BID: variants seen among roughly 807,000 people sequenced by gnomAD.
BID encodes the protein BH3-interacting domain death agonist.
BID carries 19 observed loss-of-function variants against 17.4 expected under a neutral mutation model. That is an observed-to-expected ratio of 1.09 (90% CI 0.76 to 1.60). The LOEUF (loss-of-function observed/expected upper bound fraction) is 1.60, where lower values mean the gene tolerates loss of function less well. BID is among the 40% of genes most tolerant of loss of function. The probability of loss-of-function intolerance (pLI) is 0.00; values close to 1 mark genes in which losing one functional copy is unlikely to be tolerated. For missense variants in BID, 226 were observed against 256.0 expected, an observed-to-expected ratio of 0.88 and a Z score of 0.80; for synonymous variants, 108 against 102.8, an observed-to-expected ratio of 1.05 and a Z score of -0.31.
rs951090978 is a variant in BID, at chr22:17,755,658, G to A, written c.-58-5484C>T. ...TCTGCTAAAAATACAAAAATTAGCC[G>A]GGTGTGGTGGCGCGTACCTGTAATC... On this transcript the variant is annotated intron_variant, in intron 1 of 5. Transcript: ENST00000622694. Among the ~76,000 whole-genome samples the A allele has an allele frequency of 3.3e-5, 5 of 151,748 alleles. No individual in the cohort carries two copies. In the South Asian group the frequency reaches 6.2e-4, roughly 19 times the overall value.
intron 1 of BID, among the ~76,000 whole-genome samples, chr22:17,770,331 C>T (rs1019467655): frequency 6.6e-6 from 1 of 152,238 alleles, no homozygotes; most frequent in Non-Finnish European, 1.5e-5. Context: ...GGGACACTCC[C>T]TGCCTTGTGG....
chr22:17,773,659 G>C lies in BID; in HGVS notation c.-59+722C>G. 6.2e-7 allele frequency: 1 copy of C among 1,611,458 alleles called. No individual in the cohort carries two copies. The highest frequency in any genetic ancestry group is 8.5e-7 in the Non-Finnish European group (1 of 1,179,944). ...CCGGCCCGGCCCCTCGCTGCCCACC[G>C]AGCCATCATGACCCCAGCACCGCTG... On this transcript the variant is annotated intron_variant, in intron 1 of 5. Transcript: ENST00000622694. The surrounding 1 kb of genome is among the most constrained non-coding windows in gnomAD (Gnocchi z 4.4).
At position 17,743,917 on chromosome 22, in the gene BID, G is replaced by A; in HGVS notation, c.109C>T (p.Leu37=). 1 of 1,613,866 alleles carries A rather than the reference G, an allele frequency of 6.2e-7. No individual in the cohort carries two copies. Among genetic ancestry groups the A allele is most frequent in the South Asian group, 1.1e-5 (1 of 91,086 alleles). ...GGCAGCTCGTGGCCCAGTGCGTCCA[G>A]CTCTCTGCGGAAGCTGTTGTCAGAA... The part of the protein sequence containing the change: ...SCSDNSFRRE[L]DALGHELPVL... The change falls in exon 3 of 6, where the codon CTG becomes TTG. Residue 37 remains leucine, a synonymous_variant. Transcript: ENST00000622694.
chr22:17,750,067 C>G, intron 2 of BID, 38 bp downstream of exon 2: 1 of 1,601,126 alleles, frequency 6.2e-7, no homozygotes, highest in Non-Finnish European at 8.5e-7. Context: ...CTCGACCCCG[C>G]CCCCCACAAG....
chr22:17,770,772 G>A (rs540899533), intron 1 of BID, among the ~76,000 whole-genome samples: 1 of 152,368 alleles, frequency 6.6e-6, no homozygotes, highest in East Asian at 1.9e-4. Context: ...AAGGGGGTTT[G>A]TTAAGCCAAC....
intron 1 of BID, among the ~76,000 whole-genome samples, chr22:17,753,203 T>C (rs1443179595): frequency 6.6e-6 from 1 of 152,012 alleles, no homozygotes; most frequent in Non-Finnish European, 1.5e-5. Context: ...CCTGACCTCA[T>C]GATCCGCCCG....
intron 1 of BID, among the ~76,000 whole-genome samples, chr22:17,759,180 G>A (rs779313686): frequency 2.4e-4 from 34 of 144,392 alleles, no homozygotes; most frequent in Admixed American, 1.1e-3. Flanking sequence ...GCAGTGAGCC[G>A]AGATCACGCC....
chr22:17,751,483 G>A (rs1399688085), intron 1 of BID, among the ~76,000 whole-genome samples: 1 of 152,234 alleles, frequency 6.6e-6, no homozygotes, highest in Non-Finnish European at 1.5e-5. Flanking sequence ...GTGCGTGTGT[G>A]TGTGTAGACA....
intron 2 of BID, among the ~76,000 whole-genome samples, chr22:17,747,243 G>C (rs960407008): frequency 7.2e-5 from 11 of 152,194 alleles, no homozygotes; most frequent in African/African-American, 2.7e-4. Flanking sequence ...GAGTGGGCTC[G>C]GAAGATGGAT....
chr22:17,739,702 G>A (rs553445538), intron 3 of BID: 6 of 641,458 alleles, frequency 9.4e-6, no homozygotes, highest in East Asian at 8.4e-5. Flanking sequence ...CAGGGCCTCG[G>A]CTGAGGCCCA....
At chr22:17,765,591 G>T (rs2061672444) in intron 1 of BID, among the ~76,000 whole-genome samples, 1 of 152,172 alleles carries the variant, frequency 6.6e-6, no homozygotes, top group Admixed American at 6.5e-5. Context: ...TTATGTAACA[G>T]TAATATTAGC....
intron 1 of BID, among the ~76,000 whole-genome samples, chr22:17,762,717 A>G (rs1184732882): frequency 1.3e-5 from 2 of 151,556 alleles, no homozygotes; most frequent in African/African-American, 4.9e-5. Flanking sequence ...TGACTGGCCT[A>G]TTTTTAAAAT....
chr22:17,771,787 T>A, intron 1 of BID, among the ~76,000 whole-genome samples: 1 of 152,276 alleles, frequency 6.6e-6, no homozygotes, highest in South Asian at 2.1e-4. Context: ...TGTAGGAACC[T>A]GCCAGCAGTG....
rs1259097505 is a variant in BID at position 17,773,110 on chromosome 22, G to A, written c.-59+1271C>T. ...CTTTAAACCCCAGCCACGAACTGCT[G>A]ACCCCGCATTTCCTCTTCCCTCCCT... On this transcript the variant is annotated intron_variant, in intron 1 of 5. Coordinates refer to ENST00000622694, the MANE Select transcript of BID (RefSeq NM_001196.4). The surrounding 1 kb of genome is among the most constrained non-coding windows in gnomAD (Gnocchi z 4.4). Among the ~76,000 whole-genome samples the A allele has an allele frequency of 1.3e-5, 2 of 152,108 alleles. No individual in the cohort carries two copies. Among genetic ancestry groups the A allele is most frequent in the Non-Finnish European group, 2.9e-5 (2 of 68,024 alleles).
intron 5 of BID, among the ~76,000 whole-genome samples, chr22:17,736,213 C>T (rs1180456819): frequency 6.6e-6 from 1 of 152,152 alleles, no homozygotes; most frequent in African/African-American, 2.4e-5. Flanking sequence ...GTAATCCCAG[C>T]ACTTTGGGAG....
chr22:17,734,367 C>T lies in BID; in HGVS notation c.*1213G>A, dbSNP rs1280405730. 1 of 152,176 alleles carries T rather than the reference C, an allele frequency of 6.6e-6. No homozygotes were observed. The highest frequency in any genetic ancestry group is 1.9e-4 in the East Asian group (1 of 5,200). 9.4% of individuals were successfully genotyped at this position (152,176 alleles called of 1,614,324 possible). On this transcript the variant is annotated 3_prime_UTR_variant, in exon 6 of 6. Transcript: ENST00000622694. Reference sequence around the variant, plus strand: ...AATCATGAGTCCGTCAGTGCCCTTACTCATATGCGTCTCCAGTGGCCTCAT... The same window carrying T: ...AATCATGAGTCCGTCAGTGCCCTTATTCATATGCGTCTCCAGTGGCCTCAT...
chr22:17,748,662 C>T (rs1049541037), intron 2 of BID, among the ~76,000 whole-genome samples: 4 of 152,216 alleles, frequency 2.6e-5, no homozygotes, highest in African/African-American at 9.6e-5. Context: ...CTGCTGCCTC[C>T]GCTTCCTCAC....
Position 17,774,400 on chromosome 22 carries a change from C to T in BID, c.-78G>A. The T allele has an allele frequency of 4.1e-6, 1 of 244,566 alleles. No individual in the cohort carries two copies. Among genetic ancestry groups the T allele is most frequent in the Non-Finnish European group, 8.8e-6 (1 of 113,138 alleles). The allele number at this position is 244,566 out of a possible 1,614,324, so 15.1% of individuals were successfully genotyped here. A position where few individuals can be genotyped will look rare whatever the true frequency, so the allele number is the denominator to read the frequency against. ...ACTCACCACCCTCCAGCCGCGGGGG[C>T]GCGGGCGCGTCCGGGCCGAGGCAGC... is the stretch of plus-strand genomic sequence containing the variant. On this transcript the variant is annotated 5_prime_UTR_variant, in exon 1 of 6. Transcript: ENST00000622694.
chr22:17,756,422 TTCTTTCTTTC>T (rs1486103632), intron 1 of BID, among the ~76,000 whole-genome samples: 1 of 55,278 alleles, frequency 1.8e-5, no homozygotes, highest in Non-Finnish European at 4.3e-5. Context: ...CTTTCTTTCT[TTCTTTCTTTC>T]TTCTTTCTTT....
Sources: gnomAD v4.1 joint callset for allele counts (sites outside exome capture counted in the v4.1 genomes callset) on GRCh38, gnomAD v4.1.1 for gene constraint, Gnocchi (gnomAD v3.1) non-coding constraint, MANE v1.5 for transcripts, NCBI Gene and HGNC (gene_info 2026-07-23, HGNC 2026-07-21) for gene names.